The following ANO2 variants were observed in gnomAD, a reference collection of about 807,000 sequenced individuals.
ANO2 encodes anoctamin 2.
ANO2 carries 101 observed loss-of-function variants against 124.2 expected under a neutral mutation model. That is an observed-to-expected ratio of 0.81 (90% confidence interval 0.69 to 0.96). ANO2 has a LOEUF of 0.96. ANO2 is among the 40% of genes least tolerant of loss of function. The pLI, the probability that ANO2 is intolerant of heterozygous loss-of-function variation, is 0.00. For missense variants in ANO2, 1,293 were observed against 1,274.5 expected (o/e 1.01, Z -0.22); for synonymous variants, 486 against 482.5 (o/e 1.01, Z -0.09).
intron 15 of ANO2, among the ~76,000 whole-genome samples, chr12:5,643,063 T>TATAC (rs111420220): frequency 6.7e-6 from 1 of 149,984 alleles, no homozygotes; most frequent in African/African-American, 2.5e-5. Context: ...AAATCCATTT[T>TATAC]ACACACACAC....
chr12:5,584,303 G>A lies in ANO2; in HGVS notation c.2234-5785C>T, dbSNP rs987761176. ...CAACCTTCCCCAGAGCTCCCGGAGG[G>A]CCCTTTCTCCTCACTAACAGGTTTT... On this transcript the variant is annotated intron_variant, in intron 20 of 24. Coordinates refer to ENST00000682330, the MANE Select transcript of ANO2 (RefSeq NM_001364791.2). 1.2e-4 allele frequency among the ~76,000 whole-genome samples: 18 copies of A among 152,218 alleles called. 1 individual carries two copies. The South Asian group carries it at 3.3e-3, about 28-fold the overall frequency.
In ANO2 at chr12:5,635,852, T is replaced by C. The variant is rs1945989880; in HGVS notation, c.1621-505A>G. Among the ~76,000 whole-genome samples the C allele has an allele frequency of 6.6e-6, 1 of 152,190 alleles. No individual in the cohort carries two copies. The highest frequency in any genetic ancestry group is 1.5e-5 in the Non-Finnish European group (1 of 68,026). On this transcript the variant is annotated intron_variant, in intron 15 of 24. Coordinates refer to ENST00000682330, the MANE Select transcript of ANO2 (RefSeq NM_001364791.2). The surrounding 1 kb of genome is among the most constrained non-coding windows in gnomAD (Gnocchi z 5.2). ...AAATTTGAGTGGTCAGGGAATAGTT[T>C]GTGGAGACAGTGGGATTTAAAATGG...
At chr12:5,783,116 T>C (rs1952449786) in intron 10 of ANO2, among the ~76,000 whole-genome samples, 1 of 152,210 alleles carries the variant, frequency 6.6e-6, no homozygotes, top group African/African-American at 2.4e-5. Context: ...TGAGAGCTCA[T>C]GCTCAGGGGT....
At chr12:5,689,153 AG>A (rs2137010908) in intron 14 of ANO2, among the ~76,000 whole-genome samples, 2 of 152,294 alleles carry the variant, frequency 1.3e-5, no homozygotes, top group East Asian at 3.9e-4. Context: ...AGGAAACCAA[AG>A]TGGGAATTTC....
chr12:5,761,146 A>G (rs1361223244), intron 10 of ANO2, among the ~76,000 whole-genome samples: 3 of 152,098 alleles, frequency 2.0e-5, no homozygotes, highest in Non-Finnish European at 4.4e-5. Context: ...TCTAATAAGC[A>G]AATACTCATC....
chr12:5,689,105 A>T (rs1284296960), intron 14 of ANO2, among the ~76,000 whole-genome samples: 2 of 152,176 alleles, frequency 1.3e-5, no homozygotes, highest in Admixed American at 6.5e-5. Flanking sequence ...GAGGAAAAAA[A>T]CAAATTGTGA....
chr12:5,623,137 T>C (rs1383197286), intron 16 of ANO2, among the ~76,000 whole-genome samples: 2 of 151,672 alleles, frequency 1.3e-5, no homozygotes, highest in Non-Finnish European at 2.9e-5. Flanking sequence ...TCTGGAGGGG[T>C]CTGAATCTCA....
intron 16 of ANO2, among the ~76,000 whole-genome samples, chr12:5,633,004 G>C (rs1720742663): frequency 6.6e-6 from 1 of 152,156 alleles, no homozygotes; most frequent in South Asian, 2.1e-4. Flanking sequence ...AAAATCTTCA[G>C]TGGTGCTAGA....
chr12:5,914,386 G>A (rs1381106105), intron 3 of ANO2, among the ~76,000 whole-genome samples: 1 of 152,098 alleles, frequency 6.6e-6, no homozygotes, highest in Non-Finnish European at 1.5e-5. Context: ...TGAGGAGTCA[G>A]GGGTCAGAGA....
At chr12:5,698,522 T>C (rs1202817713) in intron 14 of ANO2, among the ~76,000 whole-genome samples, 1 of 152,076 alleles carries the variant, frequency 6.6e-6, no homozygotes, top group African/African-American at 2.4e-5. Flanking sequence ...AGCTGAAAAT[T>C]CTAAAAATCA....
At chr12:5,907,439 A>G (rs1940773156) in intron 3 of ANO2, among the ~76,000 whole-genome samples, 1 of 152,212 alleles carries the variant, frequency 6.6e-6, no homozygotes, top group Non-Finnish European at 1.5e-5. Context: ...GAAACCTTTT[A>G]CTCTGGGAGC....
Position 5,922,789 on chromosome 12 carries a change from G to C in ANO2, c.38C>G (p.Pro13Arg), listed in dbSNP as rs374858158. 1.3e-6 allele frequency: 2 copies of C among 1,524,400 alleles called. No individual in the cohort carries two copies. The highest frequency in any genetic ancestry group is 2.4e-5 in the East Asian group (1 of 41,610). The allele number at this position is 1,524,400 out of a possible 1,614,324, so 94.4% of individuals were successfully genotyped here. The change falls in exon 2 of 25, where the codon CCT becomes CGT. Residue 13 changes from proline to arginine, a missense_variant. Coordinates refer to ENST00000682330, the MANE Select transcript of ANO2 (RefSeq NM_001364791.2). The part of the protein sequence containing the change: ...TPGPRDIPLL[P>R]GSPRRLSPQA... ...AGGGCTCAGCCGGCGTGGGGAGCCA[G>C]GGAGCAGGGGTATATCTGTGAGAGG...
chr12:5,851,422 T>A (rs908761667), intron 4 of ANO2, among the ~76,000 whole-genome samples: 2 of 152,058 alleles, frequency 1.3e-5, no homozygotes, highest in African/African-American at 4.8e-5. Context: ...GTGTGGTGGC[T>A]CACGCTTGTA....
chr12:5,810,993 T>C (rs974657552), intron 7 of ANO2, among the ~76,000 whole-genome samples: 1 of 152,196 alleles, frequency 6.6e-6, no homozygotes, highest in Non-Finnish European at 1.5e-5. Flanking sequence ...CATAGACATA[T>C]CTGGTTTCCT....
rs1220641426 is a variant in ANO2, at chr12:5,827,798, G to A, written c.863C>T (p.Thr288Ile). 2 of 1,611,618 alleles carry A rather than the reference G, an allele frequency of 1.2e-6. No individual in the cohort carries two copies. Among genetic ancestry groups the A allele is most frequent in the Non-Finnish European group, 1.7e-6 (2 of 1,179,124 alleles). ...CGTGTTGTTGGCTCGGGAGCAGGCT[G>A]TGCGCTTCAGGATCTCGTGCACCTA... ...SRIVHEILKRTACSRANNTMG... is the reference protein window; with the variant it reads ...SRIVHEILKRIACSRANNTMG... Residue 288 changes from threonine (T) to isoleucine (I), a missense_variant, in exon 7 of 25, where the codon ACA becomes ATA. By Grantham distance (89) the Thr-to-Ile change is moderately conservative. Coordinates refer to ENST00000682330, the MANE Select transcript of ANO2 (RefSeq NM_001364791.2).
chr12:5,930,247 A>G (rs12580343), intron 1 of ANO2, among the ~76,000 whole-genome samples: 59,400 of 147,596 alleles, frequency 0.4, 13,724 homozygotes, highest in East Asian at 0.78. Flanking sequence ...TTAATTCCCA[A>G]TGTTTTATAC....
At chr12:5,641,523 G>A (rs1352755452) in intron 15 of ANO2, among the ~76,000 whole-genome samples, 1 of 152,188 alleles carries the variant, frequency 6.6e-6, no homozygotes, top group Non-Finnish European at 1.5e-5. Flanking sequence ...ATACTTTTGA[G>A]AGTAAAGAAG....
rs1484991217 is a variant in ANO2, at chr12:5,666,884, A to C, written c.1546-19083T>G. Among the ~76,000 whole-genome samples, 8 of 151,754 alleles carry C rather than the reference A, an allele frequency of 5.3e-5. No homozygotes were observed. The South Asian group carries it at 1.0e-3, about 20-fold the overall frequency. On this transcript the variant is annotated intron_variant, in intron 14 of 24. Coordinates refer to ENST00000682330, the MANE Select transcript of ANO2 (RefSeq NM_001364791.2). ...GACAATCTTCTAACGAGATCTATGA[A>C]GGGGGTTTTGAGCCACATTGTATCA... is the stretch of plus-strand genomic sequence containing the variant.
chr12:5,924,815 A>C (rs1235580027), intron 1 of ANO2, among the ~76,000 whole-genome samples: 1 of 152,186 alleles, frequency 6.6e-6, no homozygotes, highest in African/African-American at 2.4e-5. Context: ...TTTCCCCGTT[A>C]AATATTGAAG....
Sources: allele counts gnomAD v4.1 joint callset (sites outside exome capture counted in the v4.1 genomes callset), GRCh38; gene constraint gnomAD v4.1.1; non-coding constraint Gnocchi (gnomAD v3.1); transcripts MANE v1.5; gene names NCBI Gene and HGNC (gene_info 2026-07-23, HGNC 2026-07-21).